LGSN: variants seen among roughly 807,000 people sequenced by gnomAD.
LGSN encodes lengsin, lens protein with glutamine synthetase domain.
Under a neutral mutation model 19.5 loss-of-function variants are expected in LGSN, and 21 were observed. That is an observed-to-expected ratio of 1.07 (90% CI 0.76 to 1.55). The LOEUF is 1.55. Ranked by LOEUF, LGSN falls within the 40% of genes most tolerant of loss-of-function variation. The pLI is 0.00. For synonymous variants in LGSN, 257 were observed against 215.6 expected (o/e 1.19, Z -1.68); for missense variants, 673 against 608.5 (o/e 1.11, Z -1.12).
At chr6:63,416,932 T>TAC in the LGSN span, among the ~76,000 whole-genome samples, 107,202 of 147,712 alleles carry the variant, frequency 0.73, 40,083 homozygotes, top group East Asian at 0.87. Flanking sequence ...CATATGTATG[T>TAC]ACACACACAC....
chr6:63,412,228 A>C, the LGSN span, among the ~76,000 whole-genome samples: 2 of 151,570 alleles, frequency 1.3e-5, no homozygotes, highest in Non-Finnish European at 2.9e-5. Context: ...TGAGCCGGAC[A>C]TGGTGGCAGA....
the LGSN span, among the ~76,000 whole-genome samples, chr6:63,446,418 A>G: frequency 1.3e-5 from 2 of 152,036 alleles, no homozygotes; most frequent in African/African-American, 4.8e-5. Flanking sequence ...ACCCTGTCAT[A>G]ATATTTAAGA....
At chr6:63,414,557 AAACT>A in the LGSN span, among the ~76,000 whole-genome samples, 5 of 152,256 alleles carry the variant, frequency 3.3e-5, no homozygotes, top group Admixed American at 1.3e-4. Flanking sequence ...GCATATGCAC[AAACT>A]AATAAAATTG....
At position 63,280,427 on chromosome 6, in the gene LGSN, T is replaced by A; in HGVS notation, c.1124A>T (p.Asp375Val). ...CRKRYSKDRK[D>V]LKKSVPTTWG... ...TGTTGTAGGCACACTCTTCTTCAGG[T>A]CTTTCCTGTCCTTGGAATAACGCTT... Residue 375 changes from aspartate (D) to valine (V), a missense_variant, in exon 4 of 4, where the codon GAC becomes GTC. Physicochemically the swap from Asp to Val is radical, Grantham distance 152 (BLOSUM62 -3). Coordinates refer to ENST00000370657, the MANE Select transcript of LGSN (RefSeq NM_016571.3). 6.2e-7 allele frequency: 1 copy of A among 1,614,192 alleles called. No individual in the cohort carries two copies. The highest frequency in any genetic ancestry group is 8.5e-7 in the Non-Finnish European group (1 of 1,180,040).
the LGSN span, chr6:63,548,823 C>G: frequency 1.3e-6 from 1 of 749,612 alleles, no homozygotes; most frequent in Admixed American, 1.8e-5. Flanking sequence ...CTCATTGTAT[C>G]TGTCATTGTA....
At chr6:63,542,879 T>C in the LGSN span, among the ~76,000 whole-genome samples, 17 of 152,184 alleles carry the variant, frequency 1.1e-4, 1 homozygote, top group African/African-American at 4.1e-4. Flanking sequence ...TCATGTCTCC[T>C]AAACTACTGC....
At chr6:63,461,783 T>C in the LGSN span, among the ~76,000 whole-genome samples, 1 of 152,226 alleles carries the variant, frequency 6.6e-6, no homozygotes, top group Non-Finnish European at 1.5e-5. Flanking sequence ...TCCAAATGTG[T>C]TGCTTCCTAA....
At chr6:63,525,118 A>G in the LGSN span, among the ~76,000 whole-genome samples, 1 of 152,296 alleles carries the variant, frequency 6.6e-6, no homozygotes, top group South Asian at 2.1e-4. Context: ...GGCTGTTTCA[A>G]AGGTGAAGAT....
At chr6:63,334,807 A>G in the LGSN span, among the ~76,000 whole-genome samples, 17 of 152,280 alleles carry the variant, frequency 1.1e-4, no homozygotes, top group East Asian at 7.7e-4. Context: ...ATAAATCTGC[A>G]TACTTAACGG....
chr6:63,388,013 C>G, the LGSN span, among the ~76,000 whole-genome samples: 2 of 151,948 alleles, frequency 1.3e-5, no homozygotes, highest in Non-Finnish European at 2.9e-5. Flanking sequence ...TAACAGGTGC[C>G]CACCATCATG....
At chr6:63,405,458 T>G in the LGSN span, among the ~76,000 whole-genome samples, 1 of 152,166 alleles carries the variant, frequency 6.6e-6, no homozygotes, top group Non-Finnish European at 1.5e-5. Flanking sequence ...CACATCCTCT[T>G]CAGCACCTGA....
At chr6:63,555,591 A>C in the LGSN span, among the ~76,000 whole-genome samples, 1 of 152,092 alleles carries the variant, frequency 6.6e-6, no homozygotes, top group African/African-American at 2.4e-5. Flanking sequence ...ATTTTGTCTC[A>C]CTGCATGACA....
the LGSN span, among the ~76,000 whole-genome samples, chr6:63,519,052 C>T: frequency 2.0e-5 from 3 of 152,166 alleles, no homozygotes; most frequent in Admixed American, 6.5e-5. Context: ...CAGTGGCTCA[C>T]GCCTGTAATC....
At chr6:63,399,653 C>T in the LGSN span, among the ~76,000 whole-genome samples, 1 of 151,768 alleles carries the variant, frequency 6.6e-6, no homozygotes, top group Non-Finnish European at 1.5e-5. Context: ...GCCTCGGCCT[C>T]CCAAAGTGCT....
chr6:63,417,171 T>C, the LGSN span, among the ~76,000 whole-genome samples: 1 of 152,194 alleles, frequency 6.6e-6, no homozygotes, highest in Non-Finnish European at 1.5e-5. Context: ...CTTCTTCTTG[T>C]CTGTTTCCCA....
chr6:63,454,474 T>TC, the LGSN span, among the ~76,000 whole-genome samples: 1 of 145,710 alleles, frequency 6.9e-6, no homozygotes, highest in Non-Finnish European at 1.5e-5. Context: ...CATTTTCTTT[T>TC]TTTTTTTTTT....
chr6:63,549,502 T>C, the LGSN span: 3 of 754,064 alleles, frequency 4.0e-6, no homozygotes, highest in East Asian at 7.7e-5. Flanking sequence ...TTCTTTCCTT[T>C]CGGCAGGAGG....
chr6:63,292,321 A>C (rs575604869), intron 2 of LGSN, among the ~76,000 whole-genome samples: 1 of 152,338 alleles, frequency 6.6e-6, no homozygotes, highest in African/African-American at 2.4e-5. Flanking sequence ...GTTTGTGTTT[A>C]CTTTCCAGGC....
the LGSN span, among the ~76,000 whole-genome samples, chr6:63,542,550 G>T: frequency 4.0e-5 from 6 of 151,800 alleles, no homozygotes; most frequent in African/African-American, 1.5e-4. Context: ...TTCCCATGTT[G>T]CCTCTCTCCA....
Sources: gnomAD v4.1 joint callset for allele counts (sites outside exome capture counted in the v4.1 genomes callset) on GRCh38, gnomAD v4.1.1 for gene constraint, MANE v1.5 for transcripts, NCBI Gene and HGNC (gene_info 2026-07-23, HGNC 2026-07-21) for gene names.